The following TCFL5 variants were observed in gnomAD, a reference collection of about 807,000 sequenced individuals.
The protein encoded by TCFL5 is transcription factor like 5.
TCFL5 carries 9 observed loss-of-function variants against 44.3 expected under a neutral mutation model. That is an observed-to-expected ratio of 0.20 (90% CI 0.12 to 0.35). TCFL5 has a LOEUF of 0.35. Ranked by LOEUF, TCFL5 falls within the 10% of genes least tolerant of loss-of-function variation. The probability of loss-of-function intolerance (pLI) is 1.00; values close to 1 mark genes in which losing one functional copy is unlikely to be tolerated. For synonymous variants in TCFL5, 319 were observed against 271.6 expected, an observed-to-expected ratio of 1.17 and a Z score of -1.72; for missense variants, 603 against 613.4, an observed-to-expected ratio of 0.98 and a Z score of 0.18.
intron 4 of TCFL5, among the ~76,000 whole-genome samples, chr20:62,854,839 A>C (rs1179658576): frequency 1.3e-5 from 2 of 152,206 alleles, no homozygotes; most frequent in East Asian, 3.8e-4. Flanking sequence ...ACACCCGTCT[A>C]TTTAGAACTT....
intron 5 of TCFL5, among the ~76,000 whole-genome samples, chr20:62,853,619 G>A (rs1053252876): frequency 6.6e-6 from 1 of 152,178 alleles, no homozygotes; most frequent in African/African-American, 2.4e-5. Flanking sequence ...CCAAAGTGCT[G>A]GGATTACAGA....
At position 62,861,366 on chromosome 20, in the gene TCFL5, G is replaced by A; in HGVS notation, c.305C>T (p.Ala102Val). 9 of 1,065,638 alleles carry A rather than the reference G, an allele frequency of 8.4e-6. No individual in the cohort carries two copies. Among genetic ancestry groups the A allele is most frequent in the South Asian group, 4.2e-5 (1 of 23,690 alleles). The allele number at this position is 1,065,638 out of a possible 1,614,324, so 66.0% of individuals were successfully genotyped here. The stretch of plus-strand genomic sequence containing the variant: ...GCACAGCACGGGGTACACGGGCGCC[G>A]CGCCCCCCTGACCGCCCGCCGCGAA... ...GGFAAGGQGG[A>V]APVYPVLCPS... The change falls in exon 1 of 6, where the codon GCG becomes GTG. Residue 102 changes from alanine (A) to valine (V), a missense_variant. Physicochemically the swap from Ala to Val is moderately conservative, Grantham distance 64 (BLOSUM62 0). This residue lies in a region of TCFL5 where 540 missense variants were observed against 478.7 expected (regional missense o/e 1.13). Coordinates refer to ENST00000335351, the MANE Select transcript of TCFL5 (RefSeq NM_006602.4). This position sits in a 1 kb window ranked among gnomAD's most constrained non-coding sequence, Gnocchi z 4.0.
rs1600867659 is a variant in TCFL5, at chr20:62,861,044, C to T, written c.627G>A (p.Glu209=). 1 of 994,636 alleles carries T rather than the reference C, an allele frequency of 1.0e-6. No individual in the cohort carries two copies. The highest frequency in any genetic ancestry group is 1.2e-6 in the Non-Finnish European group (1 of 837,522). 61.6% of individuals were successfully genotyped at this position (994,636 alleles called of 1,614,324 possible). A position where few individuals can be genotyped will look rare whatever the true frequency, so the allele number is the denominator to read the frequency against. ...CGCACTTGTTGAGCGCCCCGCCCGGCTCGGGGGGCTCGGGGCCGCGCGGCG... is the reference window on the plus strand; with the variant it reads ...CGCACTTGTTGAGCGCCCCGCCCGGTTCGGGGGGCTCGGGGCCGCGCGGCG... ...PPAPRGPEPP[E]PGGALNNLVT... is the part of the protein sequence containing the mutation. The change falls in exon 1 of 6, where the codon GAG becomes GAA. Residue 209 remains glutamate (E), a synonymous_variant. Coordinates refer to ENST00000335351, the MANE Select transcript of TCFL5 (RefSeq NM_006602.4). The surrounding 1 kb of genome is among the most constrained non-coding windows in gnomAD (Gnocchi z 4.0).
At chr20:62,860,357 A>C in intron 1 of TCFL5, 49 bp from the exon 2 acceptor site, 1 of 1,542,728 alleles carries the variant, frequency 6.5e-7, no homozygotes, top group Non-Finnish European at 8.9e-7. Context: ...CGTGGCAGAC[A>C]AGCATCCACC....
chr20:62,851,819 C>T, intron 5 of TCFL5: 1 of 985,324 alleles, frequency 1.0e-6, no homozygotes. Context: ...ACACAGGAGC[C>T]CTTCTTTTGA....
At chr20:62,844,586 T>G (rs546146147) in intron 5 of TCFL5, among the ~76,000 whole-genome samples, 2 of 150,592 alleles carry the variant, frequency 1.3e-5, no homozygotes, top group Non-Finnish European at 3.0e-5. Flanking sequence ...TTTTTTGTTT[T>G]TTTTTTTTTG....
At chr20:62,858,492 A>AGGAAAAG (rs563879915) in intron 3 of TCFL5, among the ~76,000 whole-genome samples, 189 of 152,368 alleles carry the variant, frequency 1.2e-3, no homozygotes, top group Non-Finnish European at 2.1e-3. Flanking sequence ...TTTTATAGGG[A>AGGAAAAG]GGAAAAGGAA....
In TCFL5 at chr20:62,861,340, G is replaced by A; in HGVS notation, c.331C>T (p.Pro111Ser). Residue 111 changes from proline to serine, a missense_variant, in exon 1 of 6, where the codon CCG becomes TCG. Pro to Ser is a moderately conservative substitution (Grantham distance 74). Transcript: ENST00000335351. This position sits in a 1 kb window ranked among gnomAD's most constrained non-coding sequence, Gnocchi z 4.0. The part of the protein sequence containing the change: ...GAAPVYPVLC[P>S]SALAADAPCL... ...GGCGCGTCGGCCGCCAGCGCGGACG[G>A]GCACAGCACGGGGTACACGGGCGCC... The A allele has an allele frequency of 1.8e-6, 2 of 1,124,264 alleles. No homozygotes were observed. The highest frequency in any genetic ancestry group is 6.8e-5 in the East Asian group (1 of 14,692). 69.6% of individuals were successfully genotyped at this position (1,124,264 alleles called of 1,614,324 possible). A position where few individuals can be genotyped will look rare whatever the true frequency, so the allele number is the denominator to read the frequency against.
At chr20:62,854,340 G>A (rs538444206) in intron 4 of TCFL5, among the ~76,000 whole-genome samples, 183 bp from the exon 5 acceptor site, 1 of 152,372 alleles carries the variant, frequency 6.6e-6, no homozygotes, top group African/African-American at 2.4e-5. Context: ...TACAGAGGCA[G>A]CCACTGCCTT....
At chr20:62,850,444 C>A (rs1473164179) in intron 5 of TCFL5, among the ~76,000 whole-genome samples, 1 of 152,050 alleles carries the variant, frequency 6.6e-6, no homozygotes, top group Non-Finnish European at 1.5e-5. Context: ...ACCCAGCCAC[C>A]GAGGCCAAAC....
chr20:62,844,630 T>C (rs1302244153), intron 5 of TCFL5, among the ~76,000 whole-genome samples: 1 of 148,522 alleles, frequency 6.7e-6, no homozygotes, highest in Non-Finnish European at 1.5e-5. Context: ...CAGGCTGGAG[T>C]GCAACAGCGT....
chr20:62,860,283 A>G lies in TCFL5; in HGVS notation c.673T>C (p.Ser225Pro). Residue 225 changes from serine to proline, a missense_variant, in exon 2 of 6, where the codon TCT becomes CCT. Coordinates refer to ENST00000335351, the MANE Select transcript of TCFL5 (RefSeq NM_006602.4). The part of the protein sequence containing the change: ...NNLVTLIRHP[S>P]ELMNVPLQQQ... Reference sequence around the variant, plus strand: ...TGAAGAGGAACATTCATTAGTTCAGATGGATGTCGAATGAGAGTTACCAAA... The same window carrying G: ...TGAAGAGGAACATTCATTAGTTCAGGTGGATGTCGAATGAGAGTTACCAAA... The G allele has an allele frequency of 6.2e-7, 1 of 1,610,902 alleles. No individual in the cohort carries two copies. Among genetic ancestry groups the G allele is most frequent in the Non-Finnish European group, 8.5e-7 (1 of 1,177,276 alleles).
At chr20:62,849,822 G>A (rs569594240) in intron 5 of TCFL5, among the ~76,000 whole-genome samples, 1 of 152,104 alleles carries the variant, frequency 6.6e-6, no homozygotes, top group Non-Finnish European at 1.5e-5. Flanking sequence ...GGTCATGATG[G>A]CACACACCTG....
intron 5 of TCFL5, chr20:62,845,184 C>G: frequency 1.0e-6 from 1 of 961,750 alleles, no homozygotes; most frequent in Non-Finnish European, 1.2e-6. Context: ...TGCAATGGCA[C>G]GATCTCAGCT....
At chr20:62,851,804 CG>C (rs1164111807) in intron 5 of TCFL5, 1 of 985,250 alleles carries the variant, frequency 1.0e-6, no homozygotes, top group Non-Finnish European at 1.2e-6. Flanking sequence ...CCCACCATGA[CG>C]TAGACACAGG....
At chr20:62,846,701 G>A (rs1229716411) in intron 5 of TCFL5, among the ~76,000 whole-genome samples, 1 of 150,460 alleles carries the variant, frequency 6.6e-6, no homozygotes, top group Non-Finnish European at 1.5e-5. Context: ...AAGAGGACGA[G>A]GCTGCACTAA....
At position 62,844,974 on chromosome 20, in the gene TCFL5, A is replaced by G. The variant is rs75679010; in HGVS notation, c.1381-2877T>C. The G allele has an allele frequency of 3.8e-4, 377 of 985,366 alleles. 1 individual carries two copies. The African/African-American group carries it at 6.2e-3, about 16-fold the overall frequency. The allele number at this position is 985,366 out of a possible 1,614,324, so 61.0% of individuals were successfully genotyped here. ...AGGAGGACACAAGCGCCATGCTGCCATGGATTTAACTTCTGAACCACCTGG... is the reference window on the plus strand; with the variant it reads ...AGGAGGACACAAGCGCCATGCTGCCGTGGATTTAACTTCTGAACCACCTGG... On this transcript the variant is annotated intron_variant, in intron 5 of 5. Transcript: ENST00000335351.
Position 62,860,126 on chromosome 20 carries a change from T to C in TCFL5, c.830A>G (p.Gln277Arg), listed in dbSNP as rs201389951. The C allele has an allele frequency of 1.5e-5, 24 of 1,604,684 alleles. No individual in the cohort carries two copies. The highest frequency in any genetic ancestry group is 4.3e-6 in the Non-Finnish European group (5 of 1,172,338). The change falls in exon 2 of 6, where the codon CAG (glutamine) becomes CGG (arginine). Residue 277 changes from glutamine to arginine, a missense_variant and splice_region_variant. By Grantham distance (43) the Gln-to-Arg change is conservative. This residue lies in a region of TCFL5 where 540 missense variants were observed against 478.7 expected (regional missense o/e 1.13). Transcript: ENST00000335351. ...AGCTTCACAAATCATGTTCCCTACC[T>C]GTGTCTGTGAAAGATTAGAATTTCC... is the stretch of plus-strand genomic sequence containing the variant. Reference protein sequence around the residue: ...TSGNSNLSQTQSSSNSCSVLE... With the variant: ...TSGNSNLSQTRSSSNSCSVLE...
In TCFL5 at chr20:62,842,549, G is replaced by A. The variant is rs527571144; in HGVS notation, c.1381-452C>T. 3.3e-5 allele frequency among the ~76,000 whole-genome samples: 5 copies of A among 152,282 alleles called. No individual in the cohort carries two copies. The East Asian group carries it at 5.8e-4, about 18-fold the overall frequency. On this transcript the variant is annotated intron_variant, in intron 5 of 5. Coordinates refer to ENST00000335351, the MANE Select transcript of TCFL5 (RefSeq NM_006602.4). This position sits in a 1 kb window ranked among gnomAD's most constrained non-coding sequence, Gnocchi z 4.3. The stretch of plus-strand genomic sequence containing the variant: ...GGCCGAGGTGGGTGGATCACCTGAC[G>A]TCAGGAGTTCAGGACCAGCCTGATT...
Sources: gnomAD v4.1 joint callset for allele counts (sites outside exome capture counted in the v4.1 genomes callset) on GRCh38, gnomAD v4.1.1 for gene constraint, gnomAD v4.1.1 regional missense constraint, Gnocchi (gnomAD v3.1) non-coding constraint, MANE v1.5 for transcripts, NCBI Gene and HGNC (gene_info 2026-07-23, HGNC 2026-07-21) for gene names.